PPM1E: variants seen among roughly 807,000 people sequenced by gnomAD.
PPM1E encodes protein phosphatase, Mg2+/Mn2+ dependent 1E, also known as protein phosphatase 1E.
PPM1E carries 20 observed loss-of-function variants against 65.9 expected under a neutral mutation model. That is an observed-to-expected ratio of 0.30 (90% CI 0.21 to 0.44). The LOEUF (loss-of-function observed/expected upper bound fraction) is 0.44, where lower values mean the gene tolerates loss of function less well. Ranked by LOEUF, PPM1E falls within the 20% of genes least tolerant of loss-of-function variation. PPM1E has a pLI of 1.00. For synonymous variants in PPM1E, 352 were observed against 374.9 expected, an observed-to-expected ratio of 0.94 and a Z score of 0.70; for missense variants, 713 against 953.1, an observed-to-expected ratio of 0.75 and a Z score of 3.32.
At chr17:58,802,663 A>G (rs2050269680) in intron 1 of PPM1E, among the ~76,000 whole-genome samples, 1 of 152,216 alleles carries the variant, frequency 6.6e-6, no homozygotes, top group Non-Finnish European at 1.5e-5. Context: ...CTTCCAATCC[A>G]TGAACACAGG....
Position 58,972,209 on chromosome 17 carries a change from C to T in PPM1E, c.1050C>T (p.Ser350=), listed in dbSNP as rs776300343. 1.4e-5 allele frequency: 23 copies of T among 1,613,898 alleles called. No individual in the cohort carries two copies. The East Asian group carries it at 4.9e-4, about 34-fold the overall frequency. Residue 350 remains serine (S), a synonymous_variant, in exon 5 of 7, where the codon TCC becomes TCT. Transcript: ENST00000308249. ...TACATGTGGCCTGGGTGGGTGATTC[C>T]CAGGTTATGCTTGTGAGAAAGGGCC... The part of the protein sequence containing the change: ...NMLHVAWVGD[S]QVMLVRKGQA...
Position 58,858,665 on chromosome 17 carries a change from A to G in PPM1E, c.465-96984A>G, listed in dbSNP as rs541260467. 6.6e-5 allele frequency among the ~76,000 whole-genome samples: 10 copies of G among 152,306 alleles called. No homozygotes were observed. In the East Asian group the frequency reaches 1.9e-3, roughly 29 times the overall value. ...AGGATTTTATTCTTTTTCAGGCTGA[A>G]TAGTATCTCATTGTGTACATATACC... On this transcript the variant is annotated intron_variant, in intron 1 of 6. Transcript: ENST00000308249.
intron 1 of PPM1E, among the ~76,000 whole-genome samples, chr17:58,765,483 A>C (rs569081680): frequency 3.9e-4 from 59 of 152,000 alleles, no homozygotes; most frequent in African/African-American, 1.4e-3. Flanking sequence ...GCCATTTTTC[A>C]TGGATTTAAA....
intron 1 of PPM1E, among the ~76,000 whole-genome samples, chr17:58,784,595 G>A (rs370702467): frequency 2.0e-5 from 3 of 151,048 alleles, no homozygotes; most frequent in Admixed American, 2.0e-4. Flanking sequence ...CACCATCTTG[G>A]CTCACTGCAG....
intron 1 of PPM1E, among the ~76,000 whole-genome samples, chr17:58,826,204 G>A (rs1434468224): frequency 6.6e-6 from 1 of 151,594 alleles, no homozygotes; most frequent in Non-Finnish European, 1.5e-5. Flanking sequence ...GCTGAGGCAG[G>A]GAGAATTGCT....
intron 1 of PPM1E, among the ~76,000 whole-genome samples, chr17:58,805,974 C>CAAAAAAAAAAAAA (rs1341289870): frequency 5.4e-5 from 4 of 74,010 alleles, no homozygotes; most frequent in Non-Finnish European, 9.9e-5. Context: ...AAAAAAAAAA[C>CAAAAAAAAAAAAA]AAAAAAAAAA....
chr17:58,865,636 G>T (rs1416289211), intron 1 of PPM1E, among the ~76,000 whole-genome samples: 1 of 152,158 alleles, frequency 6.6e-6, no homozygotes, highest in African/African-American at 2.4e-5. Context: ...GAAGGTTGAG[G>T]CTGCAGTGAG....
intron 1 of PPM1E, among the ~76,000 whole-genome samples, chr17:58,768,923 C>T (rs556092125): frequency 6.6e-6 from 1 of 152,322 alleles, no homozygotes; most frequent in South Asian, 2.1e-4. Context: ...CCTGCCTCAG[C>T]TTCCCAAATG....
At chr17:58,833,593 G>C (rs758452185) in intron 1 of PPM1E, among the ~76,000 whole-genome samples, 4 of 151,920 alleles carry the variant, frequency 2.6e-5, no homozygotes, top group Non-Finnish European at 2.9e-5. Context: ...GTATTCTGTG[G>C]TGTATATGCA....
chr17:58,908,633 T>A (rs1485435739), intron 1 of PPM1E, among the ~76,000 whole-genome samples: 1 of 151,564 alleles, frequency 6.6e-6, no homozygotes, highest in African/African-American at 2.4e-5. Flanking sequence ...AGAGATGGGG[T>A]TTCGCCATGT....
chr17:58,930,774 A>G (rs2051883978), intron 1 of PPM1E, among the ~76,000 whole-genome samples: 1 of 152,160 alleles, frequency 6.6e-6, no homozygotes, highest in Non-Finnish European at 1.5e-5. Flanking sequence ...AGCAAAATGA[A>G]ATGGAAATTA....
chr17:58,866,664 A>G (rs892891891), intron 1 of PPM1E, among the ~76,000 whole-genome samples: 5 of 152,214 alleles, frequency 3.3e-5, no homozygotes, highest in Middle Eastern at 3.2e-3. Context: ...ACTTTCAGCT[A>G]TTGCACACTC....
intron 1 of PPM1E, among the ~76,000 whole-genome samples, chr17:58,934,030 G>A (rs2051941457): frequency 6.8e-6 from 1 of 146,188 alleles, no homozygotes. Flanking sequence ...AGAGGTTGCA[G>A]TGAGCCAAGA....
intron 1 of PPM1E, among the ~76,000 whole-genome samples, chr17:58,834,771 C>T (rs554600333): frequency 2.0e-5 from 3 of 152,146 alleles, no homozygotes; most frequent in South Asian, 2.1e-4. Flanking sequence ...CCAATACGAC[C>T]GTTTAACTGT....
intron 1 of PPM1E, among the ~76,000 whole-genome samples, chr17:58,848,705 G>A (rs2050795126): frequency 6.6e-6 from 1 of 152,168 alleles, no homozygotes; most frequent in Admixed American, 6.5e-5. Flanking sequence ...TTGCATTGAT[G>A]TTCATCAGGG....
At chr17:58,939,884 A>G (rs1392061747) in intron 1 of PPM1E, among the ~76,000 whole-genome samples, 1 of 152,234 alleles carries the variant, frequency 6.6e-6, no homozygotes, top group Non-Finnish European at 1.5e-5. Flanking sequence ...GTTTATATAC[A>G]TAAAAAGAAA....
chr17:58,920,330 T>C (rs2051736371), intron 1 of PPM1E, among the ~76,000 whole-genome samples: 2 of 152,184 alleles, frequency 1.3e-5, no homozygotes, highest in Non-Finnish European at 2.9e-5. Context: ...CCTCCTCACC[T>C]CCAGTGATCT....
intron 1 of PPM1E, among the ~76,000 whole-genome samples, chr17:58,839,560 G>C (rs538463977): frequency 6.6e-6 from 1 of 152,242 alleles, no homozygotes; most frequent in East Asian, 1.9e-4. Flanking sequence ...TTTTCTGCAT[G>C]GGTTTATAGG....
intron 6 of PPM1E, among the ~76,000 whole-genome samples, chr17:58,976,332 A>C (rs187787671): frequency 6.6e-6 from 1 of 152,288 alleles, no homozygotes; most frequent in Admixed American, 6.5e-5. Context: ...AGAAAATTCA[A>C]GCCTGATCAA....
Sources: allele counts gnomAD v4.1 joint callset (sites outside exome capture counted in the v4.1 genomes callset), GRCh38; gene constraint gnomAD v4.1.1; transcripts MANE v1.5; gene names NCBI Gene and HGNC (gene_info 2026-07-23, HGNC 2026-07-21).